Variants in ZNF385B observed in about 807,000 individuals in gnomAD.
The protein encoded by ZNF385B is zinc finger protein 533.
In ZNF385B, 23 loss-of-function variants were observed where a neutral mutation model predicts 39.2. The ratio of observed to expected loss-of-function variants is 0.59; its 90% CI spans 0.42 to 0.83. ZNF385B has a LOEUF of 0.83. Among genes scored for constraint, ZNF385B ranks in the 40% least tolerant of loss-of-function variants. The pLI, the probability that ZNF385B is intolerant of heterozygous loss-of-function variation, is 0.00. For synonymous variants in ZNF385B, 205 were observed against 222.6 expected (o/e 0.92, Z 0.70); for missense variants, 552 against 598.9 (o/e 0.92, Z 0.82).
At chr2:179,598,107 G>A (rs1688136024) in intron 3 of ZNF385B, among the ~76,000 whole-genome samples, 1 of 152,078 alleles carries the variant, frequency 6.6e-6, no homozygotes, top group South Asian at 2.1e-4. Flanking sequence ...TCTTTAGGAT[G>A]AAGACATACT....
chr2:179,671,803 G>A (rs1696044536), intron 3 of ZNF385B, among the ~76,000 whole-genome samples: 1 of 152,222 alleles, frequency 6.6e-6, no homozygotes. Flanking sequence ...GCAAAGCAGT[G>A]GGGGTGTGGC....
intron 3 of ZNF385B, among the ~76,000 whole-genome samples, chr2:179,744,743 CCAAT>C (rs1702280521): frequency 6.6e-6 from 1 of 152,110 alleles, no homozygotes; most frequent in African/African-American, 2.4e-5. Flanking sequence ...CTAGCTGCTT[CCAAT>C]CAAAGAAAAA....
intron 1 of ZNF385B, among the ~76,000 whole-genome samples, chr2:179,829,537 A>G (rs1307527521): frequency 1.3e-5 from 2 of 151,922 alleles, no homozygotes; most frequent in South Asian, 2.1e-4. Context: ...TTTTTGAGAC[A>G]GGGTCTTGCT....
chr2:179,663,573 G>A (rs1694750275), intron 3 of ZNF385B, among the ~76,000 whole-genome samples: 1 of 152,054 alleles, frequency 6.6e-6, no homozygotes, highest in Middle Eastern at 3.2e-3. Flanking sequence ...AGACGGGCGT[G>A]GTGGCGGGCG....
chr2:179,689,957 C>T (rs1698230653), intron 3 of ZNF385B, among the ~76,000 whole-genome samples: 2 of 152,114 alleles, frequency 1.3e-5, no homozygotes, highest in Admixed American at 1.3e-4. Context: ...CTCTCTTTGT[C>T]TTCTAGTAAC....
intron 3 of ZNF385B, among the ~76,000 whole-genome samples, chr2:179,710,472 T>C (rs1192730149): frequency 6.6e-6 from 1 of 152,188 alleles, no homozygotes; most frequent in East Asian, 1.9e-4. Context: ...CGTCGTACGA[T>C]TAAAATAATG....
At chr2:179,509,918 A>G (rs2105770350) in intron 5 of ZNF385B, among the ~76,000 whole-genome samples, 1 of 152,264 alleles carries the variant, frequency 6.6e-6, no homozygotes, top group Non-Finnish European at 1.5e-5. Context: ...TTTATATGTG[A>G]CTTTCTCCAA....
intron 4 of ZNF385B, among the ~76,000 whole-genome samples, chr2:179,533,268 G>A (rs1326115169): frequency 1.3e-5 from 2 of 152,120 alleles, no homozygotes; most frequent in African/African-American, 4.8e-5. Context: ...TCTTTTCTGA[G>A]GGAACTGATG....
At chr2:179,696,477 C>T (rs931909466) in intron 3 of ZNF385B, among the ~76,000 whole-genome samples, 1 of 151,716 alleles carries the variant, frequency 6.6e-6, no homozygotes, top group Non-Finnish European at 1.5e-5. Flanking sequence ...AATAGCTATA[C>T]TAATACTGTT....
At chr2:179,751,737 G>A (rs1702688974) in intron 3 of ZNF385B, among the ~76,000 whole-genome samples, 1 of 151,928 alleles carries the variant, frequency 6.6e-6, no homozygotes, top group South Asian at 2.1e-4. Flanking sequence ...ATAAAATTAT[G>A]TATAACACTC....
At chr2:179,704,627 A>G (rs1699452390) in intron 3 of ZNF385B, among the ~76,000 whole-genome samples, 2 of 152,208 alleles carry the variant, frequency 1.3e-5, no homozygotes. Context: ...AGGTGATTGT[A>G]AGATTTCCAG....
intron 5 of ZNF385B, among the ~76,000 whole-genome samples, chr2:179,498,697 A>T (rs564004293): frequency 3.9e-5 from 6 of 152,098 alleles, no homozygotes; most frequent in African/African-American, 1.4e-4. Context: ...GTACTAAGAG[A>T]GTTTATAGTT....
intron 1 of ZNF385B, chr2:179,860,695 T>C (rs547789692): frequency 3.1e-5 from 11 of 355,430 alleles, no homozygotes; most frequent in Admixed American, 9.4e-5. Context: ...TTCCCGGTCA[T>C]TGAGAGAAAG....
chr2:179,565,654 A>T (rs1473780354), intron 3 of ZNF385B, among the ~76,000 whole-genome samples: 2 of 152,224 alleles, frequency 1.3e-5, no homozygotes, highest in African/African-American at 4.8e-5. Flanking sequence ...TGGTTCTTGG[A>T]CATACACACT....
intron 3 of ZNF385B, among the ~76,000 whole-genome samples, chr2:179,747,091 C>T (rs1469698218): frequency 6.6e-6 from 1 of 152,064 alleles, no homozygotes; most frequent in Non-Finnish European, 1.5e-5. Flanking sequence ...TGAGGATCTC[C>T]TATAAATGAC....
At chr2:179,636,374 G>T (rs1240434078) in intron 3 of ZNF385B, among the ~76,000 whole-genome samples, 6 of 152,152 alleles carry the variant, frequency 3.9e-5, no homozygotes, top group Non-Finnish European at 2.9e-5. Context: ...AGTGACTGCA[G>T]AATTTATGCA....
intron 3 of ZNF385B, among the ~76,000 whole-genome samples, chr2:179,752,189 C>G (rs182219962): frequency 1.3e-5 from 2 of 152,064 alleles, no homozygotes; most frequent in Admixed American, 6.6e-5. Flanking sequence ...GTGGTGTTTG[C>G]TTTTTTGTCC....
intron 1 of ZNF385B, among the ~76,000 whole-genome samples, chr2:179,789,806 A>G (rs1367422802): frequency 6.6e-6 from 1 of 152,198 alleles, no homozygotes; most frequent in Admixed American, 6.6e-5. Context: ...GACTCGTGCC[A>G]AACATAAGAG....
intron 6 of ZNF385B, among the ~76,000 whole-genome samples, chr2:179,458,941 T>C (rs2051000314): frequency 6.6e-6 from 1 of 152,232 alleles, no homozygotes; most frequent in Non-Finnish European, 1.5e-5. Context: ...AACTTCTTTG[T>C]TTTCATGTTA....
Sources: gnomAD v4.1 joint callset for allele counts (sites outside exome capture counted in the v4.1 genomes callset) on GRCh38, gnomAD v4.1.1 for gene constraint, MANE v1.5 for transcripts, NCBI Gene and HGNC (gene_info 2026-07-23, HGNC 2026-07-21) for gene names.